ANK3: variants seen among roughly 807,000 people sequenced by gnomAD.
ANK3 encodes ankyrin-3.
ANK3 carries 57 observed loss-of-function variants against 370.9 expected under a neutral mutation model. The observed-to-expected ratio is 0.15, with a 90% CI of 0.12 to 0.19. The LOEUF (loss-of-function observed/expected upper bound fraction) is 0.19, where lower values mean the gene tolerates loss of function less well. Ranked by LOEUF, ANK3 falls within the 10% of genes least tolerant of loss-of-function variation. ANK3 has a pLI of 1.00. For missense variants in ANK3, 4,439 were observed against 5,302.1 expected (o/e 0.84, Z 5.06); for synonymous variants, 1,929 against 1,946.3 (o/e 0.99, Z 0.23).
At chr10:60,567,692 G>C (rs2077496250) in intron 2 of ANK3, among the ~76,000 whole-genome samples, 1 of 152,196 alleles carries the variant, frequency 6.6e-6, no homozygotes, top group Non-Finnish European at 1.5e-5. Flanking sequence ...ATGGGTCTGA[G>C]CAAAGTAAAT....
rs1454116165 is a variant in ANK3 at position 60,389,739 on chromosome 10, T to A, written c.-201A>T. 1.7e-5 allele frequency: 24 copies of A among 1,413,882 alleles called. No individual in the cohort carries two copies. The highest frequency in any genetic ancestry group is 2.9e-5 in the Admixed American group (1 of 33,942). The allele number at this position is 1,413,882 out of a possible 1,614,324, so 87.6% of individuals were successfully genotyped here. Reference sequence around the variant, plus strand: ...CCCAAATGATGGTGTCCGGACTTCATCCTACACCTTCCTCTACCTGAACCT... The same window carrying A: ...CCCAAATGATGGTGTCCGGACTTCAACCTACACCTTCCTCTACCTGAACCT... On this transcript the variant is annotated 5_prime_UTR_variant, in exon 1 of 44. The change abolishes an upstream ATG in the 5' untranslated region. Coordinates refer to ENST00000280772, the MANE Select transcript of ANK3 (RefSeq NM_020987.5).
At chr10:60,530,705 G>A (rs532712507) in intron 2 of ANK3, among the ~76,000 whole-genome samples, 3 of 152,134 alleles carry the variant, frequency 2.0e-5, no homozygotes, top group Admixed American at 6.6e-5. Flanking sequence ...ATAAGGGAAC[G>A]CACACACAGG....
chr10:60,652,791 A>AGG (rs1198322835), intron 1 of ANK3, among the ~76,000 whole-genome samples: 2 of 152,042 alleles, frequency 1.3e-5, no homozygotes, highest in Non-Finnish European at 2.9e-5. Flanking sequence ...GTCGAAGCAG[A>AGG]GGCAGGATAA....
intron 18 of ANK3, among the ~76,000 whole-genome samples, chr10:60,178,900 T>C (rs2096059595): frequency 6.7e-6 from 1 of 149,034 alleles, no homozygotes; most frequent in Admixed American, 6.7e-5. Context: ...ACTCATTTGG[T>C]GAACTTCAAA....
chr10:60,458,769 T>C (rs1185765947), intron 2 of ANK3, among the ~76,000 whole-genome samples: 1 of 152,152 alleles, frequency 6.6e-6, no homozygotes, highest in Non-Finnish European at 1.5e-5. Flanking sequence ...CAGATTTACA[T>C]GAGGCTCCCA....
At chr10:60,614,619 T>G (rs941095113) in intron 2 of ANK3, among the ~76,000 whole-genome samples, 1 of 152,150 alleles carries the variant, frequency 6.6e-6, no homozygotes, top group African/African-American at 2.4e-5. Flanking sequence ...AGGGGAAAGG[T>G]AGCCTGCATA....
intron 26 of ANK3, chr10:60,111,668 A>G: frequency 2.2e-6 from 1 of 447,898 alleles, no homozygotes; most frequent in South Asian, 1.6e-5. Context: ...CGATCTAACT[A>G]TGGCAAAAAT....
chr10:60,380,440 A>G (rs991527556), intron 1 of ANK3, among the ~76,000 whole-genome samples: 7 of 152,194 alleles, frequency 4.6e-5, no homozygotes, highest in African/African-American at 1.4e-4. Flanking sequence ...AATCAGACCA[A>G]CTGGGGTTTG....
intron 1 of ANK3, among the ~76,000 whole-genome samples, chr10:60,333,337 C>A (rs1335568787): frequency 1.3e-5 from 2 of 151,798 alleles, no homozygotes; most frequent in East Asian, 3.9e-4. Context: ...GTGTGATGCT[C>A]CCCTCCCTGT....
intron 2 of ANK3, among the ~76,000 whole-genome samples, chr10:60,549,863 T>C (rs1188302600): frequency 6.6e-6 from 1 of 152,138 alleles, no homozygotes; most frequent in Admixed American, 6.5e-5. Flanking sequence ...GACTATTGAT[T>C]GAAAGTTGTG....
chr10:60,667,038 G>C (rs971846535), intron 1 of ANK3, among the ~76,000 whole-genome samples: 1 of 151,724 alleles, frequency 6.6e-6, no homozygotes, highest in African/African-American at 2.4e-5. Context: ...ACTGCAGGGA[G>C]TATACTTACA....
At chr10:60,416,856 G>A (rs2063679374) in intron 2 of ANK3, among the ~76,000 whole-genome samples, 1 of 152,146 alleles carries the variant, frequency 6.6e-6, no homozygotes, top group Non-Finnish European at 1.5e-5. Flanking sequence ...GGTCTCATTT[G>A]TTACAATCCA....
rs1302027031 is a variant in ANK3, at chr10:60,067,979, A to G, written c.12275T>C (p.Ile4092Thr). Reference sequence around the variant, plus strand: ...GTGATCGGCTACTATTGCCATCCTGATATCTGTCCGTTCACATGGACTCTG... The same window carrying G: ...GTGATCGGCTACTATTGCCATCCTGGTATCTGTCCGTTCACATGGACTCTG... ...GPQSPCERTD[I>T]RMAIVADHLG... Residue 4092 changes from isoleucine (I) to threonine (T), a missense_variant, in exon 38 of 44, where the codon ATC becomes ACC. By Grantham distance (89) the Ile-to-Thr change is moderately conservative. Around this residue, in one of 13 missense-constraint regions of ANK3, gnomAD observed 99 missense variants for 150.7 expected, o/e 0.66. Transcript: ENST00000280772. The G allele has an allele frequency of 5.6e-6, 9 of 1,610,778 alleles. No individual in the cohort carries two copies. Among genetic ancestry groups the G allele is most frequent in the Middle Eastern group, 1.7e-4 (1 of 6,054 alleles).
At chr10:60,725,551 C>G (rs1266044163) in intron 1 of ANK3, among the ~76,000 whole-genome samples, 1 of 152,150 alleles carries the variant, frequency 6.6e-6, no homozygotes, top group Non-Finnish European at 1.5e-5. Context: ...CCTCATTTGG[C>G]TTTGCTATTA....
chr10:60,093,784 G>C (rs746804279), intron 28 of ANK3, among the ~76,000 whole-genome samples: 8 of 152,144 alleles, frequency 5.3e-5, no homozygotes, highest in African/African-American at 1.7e-4. Context: ...CAGACAAGTT[G>C]CAAGTGGAAA....
chr10:60,078,803 C>T (rs2084409415), intron 36 of ANK3, among the ~76,000 whole-genome samples: 2 of 152,176 alleles, frequency 1.3e-5, no homozygotes, highest in South Asian at 4.1e-4. Context: ...TAGTCACTTC[C>T]TATTCCTATT....
intron 23 of ANK3, among the ~76,000 whole-genome samples, chr10:60,155,581 G>A (rs778001286): frequency 1.1e-4 from 17 of 152,162 alleles, no homozygotes; most frequent in Non-Finnish European, 2.1e-4. Flanking sequence ...ATGTCAATTC[G>A]ATTGGATTGA....
intron 8 of ANK3, among the ~76,000 whole-genome samples, chr10:60,218,033 T>C (rs2096969298): frequency 2.0e-5 from 3 of 152,128 alleles, no homozygotes. Context: ...TTTTGGACCT[T>C]TGTTGATTTA....
chr10:60,684,772 A>G (rs1308798595), intron 1 of ANK3: 1 of 1,560,420 alleles, frequency 6.4e-7, no homozygotes, highest in Non-Finnish European at 8.8e-7. Flanking sequence ...GAAGTCATAT[A>G]CCAGATGCAC....
Sources: allele counts gnomAD v4.1 joint callset (sites outside exome capture counted in the v4.1 genomes callset), GRCh38; gene constraint gnomAD v4.1.1; regional missense constraint gnomAD v4.1.1; transcripts MANE v1.5; gene names NCBI Gene and HGNC (gene_info 2026-07-23, HGNC 2026-07-21).